Variants in KCNC4 observed in about 807,000 individuals in gnomAD.
KCNC4 encodes potassium voltage-gated channel subfamily C member 4.
In KCNC4, 23 loss-of-function variants were observed where a neutral mutation model predicts 42.8. The observed-to-expected ratio is 0.54, with a 90% CI of 0.39 to 0.76. KCNC4 has a LOEUF of 0.76. Among genes scored for constraint, KCNC4 ranks in the 30% least tolerant of loss-of-function variants. The pLI is 0.00. For synonymous variants in KCNC4, 422 were observed against 393.5 expected, an observed-to-expected ratio of 1.07 and a Z score of -0.86; for missense variants, 751 against 898.2, an observed-to-expected ratio of 0.84 and a Z score of 2.10.
chr1:110,260,723 G>A (rs1470177915), intron 1 of KCNC4, among the ~76,000 whole-genome samples: 3 of 152,196 alleles, frequency 2.0e-5, no homozygotes, highest in South Asian at 4.1e-4. Flanking sequence ...GAGGTCAGGA[G>A]ATCGAGACAA....
chr1:110,260,880 A>G (rs1659413400), intron 1 of KCNC4, among the ~76,000 whole-genome samples: 1 of 152,246 alleles, frequency 6.6e-6, no homozygotes, highest in Non-Finnish European at 1.5e-5. Context: ...CAGTGAGCCG[A>G]GATCGCGCCA....
downstream of KCNC4, chr1:110,236,463 T>A (rs1212514143): frequency 6.6e-6 from 1 of 152,206 alleles, no homozygotes; most frequent in Non-Finnish European, 1.5e-5. Context: ...TTAACTGCAA[T>A]TGATTCTCAT....
At chr1:110,279,851 T>A (rs1201962032) in intron 1 of KCNC4, among the ~76,000 whole-genome samples, 1 of 140,664 alleles carries the variant, frequency 7.1e-6, no homozygotes, top group Admixed American at 7.8e-5. Context: ...CGGGCTGGAG[T>A]GCAGTAGCAC....
intron 1 of KCNC4, among the ~76,000 whole-genome samples, chr1:110,263,347 T>G (rs1344649241): frequency 4.0e-5 from 1 of 25,284 alleles, no homozygotes; most frequent in Non-Finnish European, 7.6e-5. Context: ...AATTTAAGGG[T>G]TTTTTTTTTT....
chr1:110,254,093 G>A (rs12406163), downstream of KCNC4, among the ~76,000 whole-genome samples: 3 of 127,448 alleles, frequency 2.4e-5, no homozygotes, highest in African/African-American at 3.1e-5. Context: ...CAGAAGTCGG[G>A]GGGGGGGCGG....
intron 1 of KCNC4, chr1:110,220,189 AC>A (rs1311305602): frequency 6.6e-6 from 1 of 152,270 alleles, no homozygotes; most frequent in Non-Finnish European, 1.5e-5. Context: ...AAAAATGGGC[AC>A]ACATGACCAC....
At chr1:110,248,977 G>A (rs1158346406) in exon 4 of KCNC4, 1 of 152,242 alleles carries the variant, frequency 6.6e-6, no homozygotes, top group Non-Finnish European at 1.5e-5. Flanking sequence ...CCAGTTTGGG[G>A]GGCCTGTGAT....
intron 1 of KCNC4, among the ~76,000 whole-genome samples, chr1:110,275,931 C>A (rs1483650983): frequency 8.1e-6 from 1 of 123,132 alleles, no homozygotes; most frequent in Non-Finnish European, 1.6e-5. Context: ...GCACTCCAGC[C>A]TGGGTGAAAA....
chr1:110,253,376 C>T (rs1049931220), downstream of KCNC4, among the ~76,000 whole-genome samples: 1 of 152,268 alleles, frequency 6.6e-6, no homozygotes, highest in Non-Finnish European at 1.5e-5. Context: ...GATGTCAACT[C>T]TAGATTCTAC....
At chr1:110,262,630 T>C (rs1659474392) in intron 1 of KCNC4, among the ~76,000 whole-genome samples, 1 of 152,226 alleles carries the variant, frequency 6.6e-6, no homozygotes, top group African/African-American at 2.4e-5. Flanking sequence ...AGCTCTAATT[T>C]CTTAGCAATA....
chr1:110,226,341 C>A (rs879182178), intron 3 of KCNC4, 163 bp downstream of exon 3: 1 of 658,240 alleles, frequency 1.5e-6, no homozygotes, highest in Admixed American at 2.3e-5. Context: ...ATCTCCCAGT[C>A]CCTGGATTAG....
At chr1:110,235,533 TAGATGCCAG>T, downstream of KCNC4, 1 of 152,260 alleles carries the variant, frequency 6.6e-6, no homozygotes, top group Non-Finnish European at 1.5e-5. Context: ...GCAGGGGTAC[TAGATGCCAG>T]AGTGGTCCTG....
Position 110,212,072 on chromosome 1 carries a change from C to T in KCNC4, c.573C>T (p.Pro191=). 1 of 1,544,492 alleles carries T rather than the reference C, an allele frequency of 6.5e-7. No homozygotes were observed. The highest frequency in any genetic ancestry group is 8.7e-7 in the Non-Finnish European group (1 of 1,152,722). Reference sequence around the variant, plus strand: ...AGCTGGCCCTGCAGCGACTGGGCCCCCACGAGGGAGGCGCGGGCCATGGCG... The same window carrying T: ...AGCTGGCCCTGCAGCGACTGGGCCCTCACGAGGGAGGCGCGGGCCATGGCG... The part of the protein sequence containing the change: ...ERELALQRLG[P]HEGGAGHGAG... The change falls in exon 1 of 4, where the codon CCC becomes CCT. Residue 191 remains proline, a synonymous_variant. Coordinates refer to ENST00000438661, the MANE Select transcript of KCNC4 (RefSeq NM_001039574.3).
intron 1 of KCNC4, among the ~76,000 whole-genome samples, chr1:110,279,309 T>C (rs781566150): frequency 3.2e-4 from 49 of 152,188 alleles, no homozygotes; most frequent in Non-Finnish European, 6.3e-4. Flanking sequence ...CTCTGAACCA[T>C]CCAAGTGAAG....
At chr1:110,256,085 C>T (rs1425142683) in intron 1 of KCNC4, among the ~76,000 whole-genome samples, 1 of 152,160 alleles carries the variant, frequency 6.6e-6, no homozygotes, top group Admixed American at 6.5e-5. Flanking sequence ...ATTACAGTAG[C>T]CCACTCTTCT....
chr1:110,244,316 A>G (rs1337320278), exon 4 of KCNC4: 1 of 152,144 alleles, frequency 6.6e-6, no homozygotes, highest in African/African-American at 2.4e-5. Context: ...GTGCACTATG[A>G]TGCACCTCTA....
In KCNC4 at chr1:110,212,120, C is replaced by T; in HGVS notation, c.621C>T (p.Gly207=). 6.7e-7 allele frequency: 1 copy of T among 1,501,600 alleles called. No individual in the cohort carries two copies. Among genetic ancestry groups the T allele is most frequent in the Non-Finnish European group, 8.8e-7 (1 of 1,141,618 alleles). 93.0% of individuals were successfully genotyped at this position (1,501,600 alleles called of 1,614,324 possible). ...GHGAGSGGCR[G]WQPRMWALFE... ...GCGCCGGGTCTGGGGGCTGCCGCGG[C>T]TGGCAGCCCCGCATGTGGGCGCTCT... Residue 207 remains glycine, a synonymous_variant, in exon 1 of 4, where the codon GGC becomes GGT. Transcript: ENST00000438661.
rs974680413 is a variant in KCNC4, at chr1:110,223,060, G to C, written c.775G>C (p.Glu259Gln). The C allele has an allele frequency of 1.9e-6, 3 of 1,614,186 alleles. No individual in the cohort carries two copies. The Admixed American group carries it at 5.0e-5, about 27-fold the overall frequency. ...EAFNIDRNVTEILRVGNITSV... is the reference protein window; with the variant it reads ...EAFNIDRNVTQILRVGNITSV... ...CTTTAATATCGACCGCAACGTGACAGAGATCCTCCGCGTAGGGAACATCAC... is the reference window on the plus strand; with the variant it reads ...CTTTAATATCGACCGCAACGTGACACAGATCCTCCGCGTAGGGAACATCAC... The change falls in exon 2 of 4, where the codon GAG (glutamate) becomes CAG (glutamine). Residue 259 changes from glutamate to glutamine, a missense_variant. Physicochemically the swap from Glu to Gln is conservative, Grantham distance 29 (BLOSUM62 2). Transcript: ENST00000438661. This position sits in a 1 kb window ranked among gnomAD's most constrained non-coding sequence, Gnocchi z 7.5.
chr1:110,273,688 C>G (rs948751838), intron 1 of KCNC4, among the ~76,000 whole-genome samples: 1 of 152,190 alleles, frequency 6.6e-6, no homozygotes. Flanking sequence ...TGAAACCACT[C>G]AAATTCATTC....
Sources: allele counts gnomAD v4.1 joint callset (sites outside exome capture counted in the v4.1 genomes callset), GRCh38; gene constraint gnomAD v4.1.1; non-coding constraint Gnocchi (gnomAD v3.1); transcripts MANE v1.5; gene names NCBI Gene and HGNC (gene_info 2026-07-23, HGNC 2026-07-21).